The following AGBL4 variants were observed in gnomAD, a reference collection of about 807,000 sequenced individuals.
AGBL4 encodes the protein AGBL carboxypeptidase 4.
A neutral mutation model predicts 66.4 loss-of-function variants in AGBL4; 58 were observed. The observed-to-expected ratio is 0.87, with a 90% confidence interval of 0.71 to 1.09. The LOEUF (loss-of-function observed/expected upper bound fraction) is 1.09. Among genes scored for constraint, AGBL4 ranks in the 50% least tolerant of loss-of-function variants. The pLI is 0.00. For synonymous variants in AGBL4, 234 were observed against 222.9 expected (o/e 1.05, Z -0.44); for missense variants, 579 against 631.0 (o/e 0.92, Z 0.88).
intron 3 of AGBL4, among the ~76,000 whole-genome samples, chr1:49,608,195 T>C (rs1645094008): frequency 1.3e-5 from 2 of 152,136 alleles, no homozygotes; most frequent in African/African-American, 4.8e-5. Flanking sequence ...GGAATCAACA[T>C]GAGTGAAGGT....
At chr1:48,892,399 GAGGACACATGCCT>G (rs755071374) in intron 5 of AGBL4, among the ~76,000 whole-genome samples, 1 of 152,058 alleles carries the variant, frequency 6.6e-6, no homozygotes, top group Non-Finnish European at 1.5e-5. Flanking sequence ...TGCCAAGGTT[GAGGACACATGCCT>G]AGGACACATG....
At chr1:49,560,181 A>G (rs189039965) in intron 3 of AGBL4, among the ~76,000 whole-genome samples, 2 of 152,174 alleles carry the variant, frequency 1.3e-5, no homozygotes, top group African/African-American at 4.8e-5. Context: ...TACCTTTCAG[A>G]GAATTCAAAA....
chr1:50,020,576 C>T (rs1245640921), intron 1 of AGBL4, among the ~76,000 whole-genome samples: 1 of 152,158 alleles, frequency 6.6e-6, no homozygotes, highest in Non-Finnish European at 1.5e-5. Context: ...CAGGGATTTT[C>T]ATCATGGCTA....
At chr1:50,021,733 G>C (rs903447640) in intron 1 of AGBL4, among the ~76,000 whole-genome samples, 2 of 152,034 alleles carry the variant, frequency 1.3e-5, no homozygotes, top group African/African-American at 4.8e-5. Flanking sequence ...AGCTGGTGGA[G>C]AGTATATCCT....
chr1:48,691,868 A>T (rs1307414500), intron 6 of AGBL4, among the ~76,000 whole-genome samples: 1 of 152,108 alleles, frequency 6.6e-6, no homozygotes, highest in Non-Finnish European at 1.5e-5. Flanking sequence ...TCTGAGCCCC[A>T]CAAAAGCCCG....
intron 3 of AGBL4, among the ~76,000 whole-genome samples, chr1:49,588,865 T>G (rs1408823054): frequency 2.6e-5 from 4 of 152,226 alleles, no homozygotes; most frequent in Non-Finnish European, 5.9e-5. Flanking sequence ...AGGGATTGAT[T>G]AACTTAACCA....
chr1:49,394,618 C>A (rs945414546), intron 3 of AGBL4, among the ~76,000 whole-genome samples: 1 of 152,078 alleles, frequency 6.6e-6, no homozygotes. Context: ...AAACGTAAAC[C>A]CTGAAAACAT....
intron 4 of AGBL4, among the ~76,000 whole-genome samples, chr1:49,061,005 G>C (rs11585153): frequency 0.023 from 3,446 of 152,296 alleles, 48 homozygotes; most frequent in Non-Finnish European, 0.035. Context: ...AACTCAGTGG[G>C]GGACAGGGGA....
At chr1:49,806,009 A>G (rs1292795922) in intron 2 of AGBL4, among the ~76,000 whole-genome samples, 1 of 152,236 alleles carries the variant, frequency 6.6e-6, no homozygotes, top group Non-Finnish European at 1.5e-5. Flanking sequence ...AGGTACTGCT[A>G]TAACAAATAC....
At chr1:48,567,494 C>G (rs934670645) in intron 11 of AGBL4, among the ~76,000 whole-genome samples, 3 of 152,158 alleles carry the variant, frequency 2.0e-5, no homozygotes, top group East Asian at 3.9e-4. Flanking sequence ...GGGCAGCTCT[C>G]AAAGCTATAG....
intron 6 of AGBL4, among the ~76,000 whole-genome samples, chr1:48,804,516 C>T (rs1391834877): frequency 6.6e-6 from 1 of 152,190 alleles, no homozygotes. Context: ...GATCTCTTCA[C>T]TGGCCCACAC....
chr1:48,838,566 C>T (rs1339557277), intron 6 of AGBL4, among the ~76,000 whole-genome samples: 1 of 152,114 alleles, frequency 6.6e-6, no homozygotes, highest in Non-Finnish European at 1.5e-5. Context: ...AAATGTATTA[C>T]CTGCAACCAT....
intron 6 of AGBL4, among the ~76,000 whole-genome samples, chr1:48,827,995 TAC>T (rs375257744): frequency 0.23 from 26,884 of 116,568 alleles, 3,041 homozygotes; most frequent in Middle Eastern, 0.33. Context: ...CTACTAAAAA[TAC>T]ACACACACAC....
At chr1:48,835,913 G>A (rs1416410697) in intron 6 of AGBL4, among the ~76,000 whole-genome samples, 5 of 152,014 alleles carry the variant, frequency 3.3e-5, no homozygotes, top group Non-Finnish European at 7.4e-5. Context: ...GGCAGAGGAG[G>A]AATATGAGAT....
chr1:49,019,557 T>C (rs1663083380), intron 5 of AGBL4, among the ~76,000 whole-genome samples: 1 of 152,148 alleles, frequency 6.6e-6, no homozygotes, highest in African/African-American at 2.4e-5. Flanking sequence ...ACCAGGTAAA[T>C]ACCAAATCTC....
chr1:48,561,707 A>T (rs1391226811), intron 11 of AGBL4, among the ~76,000 whole-genome samples: 1 of 152,204 alleles, frequency 6.6e-6, no homozygotes, highest in African/African-American at 2.4e-5. Context: ...TGACTACTTG[A>T]GCTGGGACAT....
intron 2 of AGBL4, among the ~76,000 whole-genome samples, chr1:49,740,561 C>T (rs1229452915): frequency 6.6e-6 from 1 of 152,166 alleles, no homozygotes; most frequent in African/African-American, 2.4e-5. Context: ...TAATAGACAC[C>T]TACAGAACTC....
chr1:49,734,265 G>C (rs1649686722), intron 2 of AGBL4, among the ~76,000 whole-genome samples: 1 of 151,780 alleles, frequency 6.6e-6, no homozygotes. Context: ...GTTATAACTA[G>C]TGCCATGGAG....
chr1:48,820,426 G>T (rs1328495601), intron 6 of AGBL4, among the ~76,000 whole-genome samples: 1 of 152,132 alleles, frequency 6.6e-6, no homozygotes, highest in Non-Finnish European at 1.5e-5. Context: ...TTTTGGATGA[G>T]TTTAACACTT....
Sources: allele counts gnomAD v4.1 joint callset (sites outside exome capture counted in the v4.1 genomes callset), GRCh38; gene constraint gnomAD v4.1.1; transcripts MANE v1.5; gene names NCBI Gene and HGNC (gene_info 2026-07-23, HGNC 2026-07-21).